Variants in ZFAND3 observed in about 807,000 individuals in gnomAD.
ZFAND3 encodes the protein zinc finger AN1-type containing 3.
ZFAND3 carries 10 observed loss-of-function variants against 29.6 expected under a neutral mutation model. The ratio of observed to expected loss-of-function variants is 0.34; its 90% CI spans 0.21 to 0.57. The LOEUF is 0.57. ZFAND3 is among the 20% of genes least tolerant of loss of function. The pLI, the probability that ZFAND3 is intolerant of heterozygous loss-of-function variation, is 0.86. For synonymous variants in ZFAND3, 128 were observed against 112.6 expected (o/e 1.14, Z -0.87); for missense variants, 230 against 304.5 (o/e 0.76, Z 1.82).
intron 2 of ZFAND3, among the ~76,000 whole-genome samples, chr6:38,013,912 A>T (rs538065023): frequency 6.6e-5 from 10 of 152,136 alleles, no homozygotes; most frequent in Admixed American, 6.5e-5. Context: ...CTAAAGTTAA[A>T]CTCCTGACAT....
At chr6:37,970,362 TA>T (rs1290117223) in intron 2 of ZFAND3, among the ~76,000 whole-genome samples, 1 of 152,152 alleles carries the variant, frequency 6.6e-6, no homozygotes, top group African/African-American at 2.4e-5. Flanking sequence ...TGAAATTAAG[TA>T]AAAATTAAAA....
At chr6:37,988,936 G>GA (rs1561957649) in intron 2 of ZFAND3, among the ~76,000 whole-genome samples, 2 of 151,010 alleles carry the variant, frequency 1.3e-5, no homozygotes, top group African/African-American at 4.9e-5. Context: ...ACAGAGTCTT[G>GA]CTCTGTCACC....
intron 2 of ZFAND3, among the ~76,000 whole-genome samples, chr6:38,049,624 A>T (rs1166567216): frequency 6.6e-6 from 1 of 152,148 alleles, no homozygotes. Context: ...ACCTTTTAGG[A>T]ATTGTGAATT....
At chr6:38,003,139 C>G (rs1427167004) in intron 2 of ZFAND3, 1 of 153,370 alleles carries the variant, frequency 6.5e-6, no homozygotes, top group Non-Finnish European at 1.5e-5. Flanking sequence ...ATCCACAGTT[C>G]AGTTACATAT....
intron 1 of ZFAND3, among the ~76,000 whole-genome samples, chr6:37,895,553 A>G (rs1246965215): frequency 3.4e-5 from 5 of 147,880 alleles, no homozygotes; most frequent in African/African-American, 1.3e-4. Flanking sequence ...AAACATGAAC[A>G]TACGGAATAC....
At chr6:37,867,843 G>T (rs1313292490) in intron 1 of ZFAND3, among the ~76,000 whole-genome samples, 1 of 152,184 alleles carries the variant, frequency 6.6e-6, no homozygotes, top group Non-Finnish European at 1.5e-5. Flanking sequence ...TAGTGAAAAA[G>T]TACTTTGGGT....
chr6:38,105,084 T>C (rs1288275455), intron 4 of ZFAND3, among the ~76,000 whole-genome samples: 2 of 152,232 alleles, frequency 1.3e-5, no homozygotes, highest in African/African-American at 2.4e-5. Context: ...CCTCATAGCC[T>C]TGTTGTAACA....
At chr6:37,899,290 T>C (rs986528040) in intron 1 of ZFAND3, among the ~76,000 whole-genome samples, 1 of 152,220 alleles carries the variant, frequency 6.6e-6, no homozygotes, top group Non-Finnish European at 1.5e-5. Flanking sequence ...CTTGCTTAAT[T>C]CCACTTGCTA....
intron 1 of ZFAND3, among the ~76,000 whole-genome samples, chr6:37,908,560 GAAAAA>G (rs1186708777): frequency 8.9e-6 from 1 of 111,814 alleles, no homozygotes; most frequent in African/African-American, 3.3e-5. Flanking sequence ...AAAAAAAAAA[GAAAAA>G]AAAGAAAATA....
chr6:37,919,215 TG>T (rs1467354895), intron 1 of ZFAND3, among the ~76,000 whole-genome samples: 3 of 152,174 alleles, frequency 2.0e-5, no homozygotes, highest in African/African-American at 7.2e-5. Context: ...CCCAAAGTGC[TG>T]GGATTACAGG....
At chr6:38,103,560 T>C (rs1765150852) in intron 4 of ZFAND3, among the ~76,000 whole-genome samples, 1 of 151,392 alleles carries the variant, frequency 6.6e-6, no homozygotes, top group African/African-American at 2.4e-5. Flanking sequence ...CATACACACT[T>C]CACGGACTTC....
chr6:37,933,144 ACT>A (rs1231631185), intron 2 of ZFAND3, among the ~76,000 whole-genome samples: 2 of 152,188 alleles, frequency 1.3e-5, no homozygotes, highest in Non-Finnish European at 2.9e-5. Flanking sequence ...ATCTTAAAAG[ACT>A]CTTTTTAAAG....
intron 2 of ZFAND3, among the ~76,000 whole-genome samples, chr6:38,051,918 T>A (rs1764035299): frequency 6.6e-6 from 1 of 152,228 alleles, no homozygotes; most frequent in Non-Finnish European, 1.5e-5. Flanking sequence ...TATGAAACAC[T>A]GTTACAGGGA....
chr6:37,825,443 C>G (rs1343126200), intron 1 of ZFAND3, among the ~76,000 whole-genome samples: 1 of 152,142 alleles, frequency 6.6e-6, no homozygotes, highest in Non-Finnish European at 1.5e-5. Flanking sequence ...TCTGCTTGCC[C>G]TATTTTCCTC....
chr6:37,896,755 A>C (rs908889083), intron 1 of ZFAND3, among the ~76,000 whole-genome samples: 2 of 151,588 alleles, frequency 1.3e-5, no homozygotes, highest in Non-Finnish European at 2.9e-5. Flanking sequence ...TGCTGGTCTC[A>C]TCAGGTGAGT....
intron 2 of ZFAND3, among the ~76,000 whole-genome samples, chr6:37,932,406 A>C (rs1309241481): frequency 2.0e-5 from 3 of 152,226 alleles, no homozygotes; most frequent in African/African-American, 7.2e-5. Flanking sequence ...CAAAATGTAT[A>C]CAGGTTGAGA....
At chr6:38,100,573 G>C (rs148445138) in intron 4 of ZFAND3, among the ~76,000 whole-genome samples, 3,414 of 152,294 alleles carry the variant, frequency 0.022, 51 homozygotes, top group Non-Finnish European at 0.035. Context: ...ACCCGGAGAA[G>C]CATGAGTTCT....
chr6:38,138,201 C>G (rs980767074), intron 5 of ZFAND3, among the ~76,000 whole-genome samples: 4 of 151,982 alleles, frequency 2.6e-5, no homozygotes, highest in African/African-American at 9.7e-5. Context: ...GAAACACATG[C>G]TTGTGTATGC....
chr6:37,918,498 T>TTA lies in ZFAND3; in HGVS notation c.72-11461_72-11460insTA, dbSNP rs1761307027. ...GTAGTTTGAACCCTTGTAACTCTATTATCTCCCAGGTTTATGTCTCATTTT... is the reference window on the plus strand; with the variant it reads ...GTAGTTTGAACCCTTGTAACTCTATTTAATCTCCCAGGTTTATGTCTCATTTT... On this transcript the variant is annotated intron_variant, in intron 1 of 5. Coordinates refer to ENST00000287218, the MANE Select transcript of ZFAND3 (RefSeq NM_021943.3). 2.0e-5 allele frequency among the ~76,000 whole-genome samples: 3 copies of TTA among 152,200 alleles called. No individual in the cohort carries two copies. In the South Asian group the frequency reaches 6.2e-4, roughly 32 times the overall value.
Sources: allele counts gnomAD v4.1 joint callset (sites outside exome capture counted in the v4.1 genomes callset), GRCh38; gene constraint gnomAD v4.1.1; transcripts MANE v1.5; gene names NCBI Gene and HGNC (gene_info 2026-07-23, HGNC 2026-07-21).